The following SYT6 variants were observed in gnomAD, a reference collection of about 807,000 sequenced individuals.
The protein encoded by SYT6 is synaptotagmin 6, also known as synaptotagmin-6.
In SYT6, 24 loss-of-function variants were observed where a neutral mutation model predicts 38.4. The observed-to-expected ratio is 0.62, with a 90% CI of 0.45 to 0.88. The LOEUF is 0.88. SYT6 is among the 40% of genes least tolerant of loss of function. The pLI is 0.00. For synonymous variants in SYT6, 265 were observed against 241.9 expected, an observed-to-expected ratio of 1.10 and a Z score of -0.89; for missense variants, 611 against 621.0, an observed-to-expected ratio of 0.98 and a Z score of 0.17.
intron 1 of SYT6, among the ~76,000 whole-genome samples, chr1:114,144,719 TAA>T (rs1481722688): frequency 1.3e-5 from 2 of 152,058 alleles, no homozygotes; most frequent in Non-Finnish European, 1.5e-5. Context: ...AGTCCCCTGC[TAA>T]GGGGATCCAG....
chr1:114,136,188 C>T (rs1029641211), intron 3 of SYT6, among the ~76,000 whole-genome samples: 1 of 152,194 alleles, frequency 6.6e-6, no homozygotes, highest in Non-Finnish European at 1.5e-5. Context: ...ACTAAGCTTT[C>T]TCTCTTTGAA....
At chr1:114,104,766 AG>A (rs1259994702) in intron 3 of SYT6, among the ~76,000 whole-genome samples, 1 of 152,232 alleles carries the variant, frequency 6.6e-6, no homozygotes, top group African/African-American at 2.4e-5. Flanking sequence ...GATATAGGAG[AG>A]AACAAAACAG....
intron 1 of SYT6, among the ~76,000 whole-genome samples, chr1:114,148,339 G>A (rs986850697): frequency 2.0e-5 from 3 of 152,222 alleles, no homozygotes; most frequent in Non-Finnish European, 2.9e-5. Flanking sequence ...AGGCGTTCTT[G>A]CTAACAGATT....
chr1:114,143,395 T>C (rs1678975566), intron 1 of SYT6, among the ~76,000 whole-genome samples: 1 of 148,696 alleles, frequency 6.7e-6, no homozygotes, highest in African/African-American at 2.5e-5. Flanking sequence ...AAAAGTAGTA[T>C]AGTATAAAAG....
chr1:114,127,809 G>A (rs1350562886), intron 3 of SYT6, among the ~76,000 whole-genome samples: 1 of 152,254 alleles, frequency 6.6e-6, no homozygotes, highest in Non-Finnish European at 1.5e-5. Context: ...CATTTCCAGC[G>A]ATTGGCCCAA....
Position 114,097,938 on chromosome 1 carries a change from C to T in SYT6, c.1365-61G>A. 3 of 1,592,412 alleles carry T rather than the reference C, an allele frequency of 1.9e-6. No homozygotes were observed. In the South Asian group the frequency reaches 3.4e-5, roughly 18 times the overall value. On this transcript the variant is annotated intron_variant, in intron 5 of 7. Coordinates refer to ENST00000610222, the MANE Select transcript of SYT6 (RefSeq NM_001253772.2). Reference sequence around the variant, plus strand: ...AGACATGCCCTCAGAAAAGGAGGTCCAGTGTGGGGGGTGGTAGGACTCTGC... The same window carrying T: ...AGACATGCCCTCAGAAAAGGAGGTCTAGTGTGGGGGGTGGTAGGACTCTGC...
intron 1 of SYT6, among the ~76,000 whole-genome samples, chr1:114,145,593 C>T (rs973031590): frequency 4.0e-5 from 6 of 148,656 alleles, no homozygotes; most frequent in Admixed American, 6.8e-5. Flanking sequence ...TCCTAGTGGG[C>T]TCACCAGGGA....
At chr1:114,113,667 C>T (rs1416543517) in intron 3 of SYT6, among the ~76,000 whole-genome samples, 2 of 152,154 alleles carry the variant, frequency 1.3e-5, no homozygotes, top group East Asian at 3.9e-4. Context: ...ACTCCAAATT[C>T]CATCTCAAGT....
chr1:114,125,980 C>T (rs777584210), intron 3 of SYT6, among the ~76,000 whole-genome samples: 8 of 152,098 alleles, frequency 5.3e-5, no homozygotes, highest in Non-Finnish European at 1.2e-4. Flanking sequence ...CTGTCTTTCA[C>T]CTCTTCCCTA....
chr1:114,122,506 T>TGTGTGTGTGTGAGTGTGCGCGC (rs60780339), intron 3 of SYT6, among the ~76,000 whole-genome samples: 1 of 147,288 alleles, frequency 6.8e-6, no homozygotes, highest in Admixed American at 6.7e-5. Flanking sequence ...TGTGTGTGTG[T>TGTGTGTGTGTGAGTGTGCGCGC]GCGCGCACAT....
intron 5 of SYT6, 92 bp downstream of exon 5, chr1:114,099,002 C>G: frequency 7.4e-7 from 1 of 1,348,962 alleles, no homozygotes; most frequent in African/African-American, 1.5e-5. Flanking sequence ...AAGCTGAGCC[C>G]TGAATCACAA....
chr1:114,101,944 A>G (rs1675990612), intron 4 of SYT6, among the ~76,000 whole-genome samples: 1 of 152,230 alleles, frequency 6.6e-6, no homozygotes, highest in South Asian at 2.1e-4. Context: ...GAATCAAGCC[A>G]AGGTTTAATA....
intron 3 of SYT6, among the ~76,000 whole-genome samples, chr1:114,110,434 T>C (rs189976901): frequency 3.3e-5 from 5 of 152,086 alleles, no homozygotes; most frequent in African/African-American, 4.8e-5. Flanking sequence ...TCCTGAAAGA[T>C]GGGGAGGAGC....
intron 3 of SYT6, among the ~76,000 whole-genome samples, chr1:114,123,854 AC>A (rs1474144889): frequency 6.6e-6 from 1 of 152,228 alleles, no homozygotes. Flanking sequence ...GGACACTTGC[AC>A]AGGCCCCTCC....
chr1:114,147,920 A>G (rs1679238264), intron 1 of SYT6, among the ~76,000 whole-genome samples: 1 of 152,224 alleles, frequency 6.6e-6, no homozygotes, highest in African/African-American at 2.4e-5. Context: ...GACTGTGTAT[A>G]CAGAACAGAC....
chr1:114,092,338 C>CTCTCTCTCTGTG (rs991723002), intron 7 of SYT6, among the ~76,000 whole-genome samples: 16 of 128,568 alleles, frequency 1.2e-4, no homozygotes, highest in South Asian at 1.0e-3. Context: ...CTCTCTCTCT[C>CTCTCTCTCTGTG]TGTGTGTGTG....
In SYT6 at chr1:114,138,034, G is replaced by A; in HGVS notation, c.532C>T (p.His178Tyr). 3 of 1,613,776 alleles carry A rather than the reference G, an allele frequency of 1.9e-6. No homozygotes were observed. Among genetic ancestry groups the A allele is most frequent in the Non-Finnish European group, 2.5e-6 (3 of 1,179,884 alleles). ...SSTRHTSFKR[H>Y]LPRQMHVSSV... ...GAGACATGCATCTGCCTTGGCAGGT[G>A]GCGCTTGAAGGACGTGTGCCTGGTA... Residue 178 changes from histidine (H) to tyrosine (Y), a missense_variant, in exon 3 of 8, where the codon CAC becomes TAC. By Grantham distance (83) the His-to-Tyr change is moderately conservative. Transcript: ENST00000610222.
chr1:114,115,974 C>T (rs896025679), intron 3 of SYT6, among the ~76,000 whole-genome samples: 1 of 152,078 alleles, frequency 6.6e-6, no homozygotes, highest in African/African-American at 2.4e-5. Context: ...TTAGGGCTGC[C>T]GAGGACCGTG....
At chr1:114,099,000 C>G in intron 5 of SYT6, 94 bp downstream of exon 5, 1 of 1,314,992 alleles carries the variant, frequency 7.6e-7, no homozygotes, top group Non-Finnish European at 1.0e-6. Context: ...TAAAGCTGAG[C>G]CCTGAATCAC....
Sources: gnomAD v4.1 joint callset for allele counts (sites outside exome capture counted in the v4.1 genomes callset) on GRCh38, gnomAD v4.1.1 for gene constraint, MANE v1.5 for transcripts, NCBI Gene and HGNC (gene_info 2026-07-23, HGNC 2026-07-21) for gene names.